RNF180: variants seen among roughly 807,000 people sequenced by gnomAD.
The protein encoded by RNF180 is ring finger protein 180.
Under a neutral mutation model 59.2 loss-of-function variants are expected in RNF180, and 38 were observed. The observed-to-expected ratio is 0.64, with a 90% CI of 0.50 to 0.84. The LOEUF (loss-of-function observed/expected upper bound fraction) is 0.84, where lower values mean the gene tolerates loss of function less well. Among genes scored for constraint, RNF180 ranks in the 40% least tolerant of loss-of-function variants. RNF180 has a pLI of 0.00. For missense variants in RNF180, 705 were observed against 700.9 expected (o/e 1.01, Z -0.07); for synonymous variants, 262 against 240.3 (o/e 1.09, Z -0.84).
At chr5:64,295,724 G>A (rs762815624) in intron 5 of RNF180, among the ~76,000 whole-genome samples, 3 of 152,132 alleles carry the variant, frequency 2.0e-5, no homozygotes, top group Non-Finnish European at 2.9e-5. Context: ...GTTAGTTTTT[G>A]TCTTTTTTCT....
At chr5:64,308,761 C>T (rs56362853) in intron 5 of RNF180, among the ~76,000 whole-genome samples, 1 of 151,708 alleles carries the variant, frequency 6.6e-6, no homozygotes, top group African/African-American at 2.4e-5. Flanking sequence ...ATGCAACAAC[C>T]TTTTACTAAA....
At chr5:64,303,301 C>CT (rs1743254203) in intron 5 of RNF180, among the ~76,000 whole-genome samples, 1 of 151,528 alleles carries the variant, frequency 6.6e-6, no homozygotes, top group Admixed American at 6.6e-5. Context: ...ACAGTGGTCT[C>CT]TAAGTGTTCA....
intron 2 of RNF180, 151 bp downstream of exon 2, chr5:64,201,093 C>T (rs949797475): frequency 3.3e-6 from 2 of 602,476 alleles, no homozygotes; most frequent in Non-Finnish European, 2.7e-6. Flanking sequence ...TTCACCTGAC[C>T]CACTGAAAAC....
intron 1 of RNF180, among the ~76,000 whole-genome samples, chr5:64,182,584 G>A (rs983517747): frequency 9.2e-5 from 14 of 152,168 alleles, no homozygotes; most frequent in African/African-American, 1.7e-4. Flanking sequence ...TTATCTTAGC[G>A]TAAGATCTAA....
intron 5 of RNF180, among the ~76,000 whole-genome samples, chr5:64,277,362 AGATT>A (rs1356057618): frequency 1.3e-5 from 2 of 152,138 alleles, no homozygotes; most frequent in African/African-American, 4.8e-5. Context: ...CAAGTGGAAA[AGATT>A]GATCAATATA....
intron 7 of RNF180, among the ~76,000 whole-genome samples, chr5:64,361,713 A>G (rs144916563): frequency 6.6e-6 from 1 of 151,586 alleles, no homozygotes; most frequent in African/African-American, 2.4e-5. Flanking sequence ...ACAGCTTATC[A>G]CAAAGAATAA....
At chr5:64,328,289 G>A (rs1744747070) in intron 6 of RNF180, among the ~76,000 whole-genome samples, 1 of 152,146 alleles carries the variant, frequency 6.6e-6, no homozygotes, top group Non-Finnish European at 1.5e-5. Context: ...CAGTATTACT[G>A]TAAATGAATA....
intron 5 of RNF180, among the ~76,000 whole-genome samples, chr5:64,296,609 G>A (rs1464281555): frequency 2.6e-5 from 4 of 151,880 alleles, no homozygotes; most frequent in Non-Finnish European, 5.9e-5. Flanking sequence ...TTCTTTTGGG[G>A]TGAGGGGGAA....
At chr5:64,245,190 CTG>C (rs774024074) in intron 5 of RNF180, among the ~76,000 whole-genome samples, 27 of 152,226 alleles carry the variant, frequency 1.8e-4, no homozygotes, top group East Asian at 1.4e-3. Context: ...ACTAATGACA[CTG>C]TGAAGAAACC....
In RNF180 at chr5:64,214,355, G is replaced by A. The variant is rs773843326; in HGVS notation, c.1029G>A (p.Pro343=). ...MDLPSAGRSM[P]EASDQEEHLS... is the part of the protein sequence containing the mutation. ...TGCCCTCAGCTGGCAGGAGCATGCC[G>A]GAGGCCTCAGACCAGGAAGAGCACC... Residue 343 remains proline (P), a synonymous_variant, in exon 4 of 8, where the codon CCG becomes CCA. Coordinates refer to ENST00000389100, the MANE Select transcript of RNF180 (RefSeq NM_001113561.2). 2.7e-5 allele frequency: 43 copies of A among 1,613,826 alleles called. No individual in the cohort carries two copies. Among genetic ancestry groups the A allele is most frequent in the Admixed American group, 1.0e-4 (6 of 59,930 alleles).
rs1215198742 is a variant in RNF180, at chr5:64,371,177, A to G, written c.*1363A>G. ...TGTTCTTATTATTGTGTTTTAAATT[A>G]TATCTATTACAGAAAATAGTATACA... On this transcript the variant is annotated 3_prime_UTR_variant, in exon 8 of 8. Coordinates refer to ENST00000389100, the MANE Select transcript of RNF180 (RefSeq NM_001113561.2). 6.6e-6 allele frequency: 1 copy of G among 151,704 alleles called. No homozygotes were observed. Among genetic ancestry groups the G allele is most frequent in the Non-Finnish European group, 1.5e-5 (1 of 67,720 alleles). 9.4% of individuals were successfully genotyped at this position (151,704 alleles called of 1,614,324 possible).
chr5:64,201,349 A>T (rs1751735641), intron 2 of RNF180, among the ~76,000 whole-genome samples: 1 of 152,204 alleles, frequency 6.6e-6, no homozygotes, highest in African/African-American at 2.4e-5. Flanking sequence ...CTATGGGCCT[A>T]GAAAAGAAAG....
At chr5:64,172,556 A>G (rs1749992072) in intron 1 of RNF180, among the ~76,000 whole-genome samples, 1 of 152,226 alleles carries the variant, frequency 6.6e-6, no homozygotes, top group South Asian at 2.1e-4. Context: ...TAAGTTTTTT[A>G]GGAGACTTGG....
At chr5:64,184,773 C>A (rs1357233621) in intron 1 of RNF180, among the ~76,000 whole-genome samples, 2 of 152,068 alleles carry the variant, frequency 1.3e-5, no homozygotes, top group Non-Finnish European at 2.9e-5. Flanking sequence ...ACTCTGTTTC[C>A]AGGAGGGGCA....
At chr5:64,307,534 A>T (rs1743537511) in intron 5 of RNF180, among the ~76,000 whole-genome samples, 1 of 151,656 alleles carries the variant, frequency 6.6e-6, no homozygotes, top group Non-Finnish European at 1.5e-5. Flanking sequence ...AATCTGAGTG[A>T]TATACATATA....
chr5:64,301,856 A>G (rs918439314), intron 5 of RNF180, among the ~76,000 whole-genome samples: 1 of 151,650 alleles, frequency 6.6e-6, no homozygotes, highest in Non-Finnish European at 1.5e-5. Flanking sequence ...TGCCCAAAGT[A>G]AGTCAGATGG....
chr5:64,231,219 A>C (rs548802878), intron 5 of RNF180, among the ~76,000 whole-genome samples: 1 of 152,358 alleles, frequency 6.6e-6, no homozygotes, highest in Admixed American at 6.5e-5. Flanking sequence ...TTCTTGGTAC[A>C]TAAATAACAC....
chr5:64,215,385 G>T (rs2112126483), intron 4 of RNF180, among the ~76,000 whole-genome samples: 1 of 152,222 alleles, frequency 6.6e-6, no homozygotes, highest in Admixed American at 6.5e-5. Flanking sequence ...TTTAAAAATA[G>T]TTAAGTGAAC....
chr5:64,194,251 A>G (rs988190235), intron 1 of RNF180, among the ~76,000 whole-genome samples: 1 of 151,832 alleles, frequency 6.6e-6, no homozygotes, highest in Non-Finnish European at 1.5e-5. Context: ...GAGAACATGC[A>G]GTGTTTGGTT....
Sources: allele counts gnomAD v4.1 joint callset (sites outside exome capture counted in the v4.1 genomes callset), GRCh38; gene constraint gnomAD v4.1.1; transcripts MANE v1.5; gene names NCBI Gene and HGNC (gene_info 2026-07-23, HGNC 2026-07-21).